CRYBG3: variants seen among roughly 807,000 people sequenced by gnomAD.
CRYBG3 encodes the protein very large A-kinase anchor protein.
CRYBG3 carries 127 observed loss-of-function variants against 244.2 expected under a neutral mutation model. The ratio of observed to expected loss-of-function variants is 0.52; its 90% CI spans 0.45 to 0.60. The LOEUF is 0.60. CRYBG3 is among the 20% of genes least tolerant of loss of function. The probability of loss-of-function intolerance (pLI) is 0.00; values close to 1 mark genes in which losing one functional copy is unlikely to be tolerated. For synonymous variants in CRYBG3, 1,132 were observed against 1,195.8 expected, an observed-to-expected ratio of 0.95 and a Z score of 1.10; for missense variants, 3,325 against 3,442.5, an observed-to-expected ratio of 0.97 and a Z score of 0.85.
intron 1 of CRYBG3, among the ~76,000 whole-genome samples, chr3:97,825,592 T>C (rs2038567445): frequency 6.6e-6 from 1 of 152,238 alleles, no homozygotes; most frequent in African/African-American, 2.4e-5. Context: ...TTCTTTGAAC[T>C]GGACTCTTTT....
intron 2 of CRYBG3, among the ~76,000 whole-genome samples, chr3:97,845,458 A>G (rs188234309): frequency 1.3e-5 from 2 of 152,250 alleles, no homozygotes; most frequent in East Asian, 1.9e-4. Context: ...TAACATTTAC[A>G]TCTATTTTTC....
intron 2 of CRYBG3, 90 bp downstream of exon 2, chr3:97,843,351 TC>T: frequency 1.3e-6 from 1 of 755,234 alleles, no homozygotes. Context: ...ATTTTACATT[TC>T]AAAAAGAACA....
intron 3 of CRYBG3, among the ~76,000 whole-genome samples, chr3:97,869,556 G>T (rs534061743): frequency 1.3e-5 from 2 of 152,168 alleles, no homozygotes; most frequent in East Asian, 1.9e-4. Context: ...AATACATTGG[G>T]CTCTGTCTTC....
intron 2 of CRYBG3, among the ~76,000 whole-genome samples, chr3:97,850,280 A>G (rs2038965683): frequency 6.6e-6 from 1 of 152,080 alleles, no homozygotes; most frequent in Non-Finnish European, 1.5e-5. Context: ...TAGATCAGCA[A>G]TTTCACGCAT....
chr3:97,829,196 T>G (rs2038620992), intron 1 of CRYBG3, among the ~76,000 whole-genome samples: 1 of 152,246 alleles, frequency 6.6e-6, no homozygotes, highest in Non-Finnish European at 1.5e-5. Flanking sequence ...ATGCACTACA[T>G]TAACTTATTC....
intron 2 of CRYBG3, among the ~76,000 whole-genome samples, chr3:97,861,399 G>C (rs534510057): frequency 6.6e-6 from 1 of 152,220 alleles, no homozygotes; most frequent in Non-Finnish European, 1.5e-5. Flanking sequence ...TATGTTCCTA[G>C]CTTGTAAGCT....
chr3:97,915,374 T>A (rs1575962958), intron 16 of CRYBG3, among the ~76,000 whole-genome samples: 1 of 152,146 alleles, frequency 6.6e-6, no homozygotes, highest in Admixed American at 6.6e-5. Context: ...CATAGAATTA[T>A]TAAGGACACC....
chr3:97,848,503 G>A (rs1170110434), intron 2 of CRYBG3, among the ~76,000 whole-genome samples: 4 of 152,054 alleles, frequency 2.6e-5, no homozygotes, highest in South Asian at 2.1e-4. Flanking sequence ...AGGTTTCACC[G>A]TGTTAGCCAG....
intron 17 of CRYBG3, among the ~76,000 whole-genome samples, chr3:97,917,459 C>G (rs576522166): frequency 7.7e-4 from 117 of 152,092 alleles, no homozygotes; most frequent in South Asian, 1.9e-3. Context: ...TCATAATATA[C>G]TGAAAATATT....
In CRYBG3 at chr3:97,888,433, A is replaced by T. The variant is rs753674817; in HGVS notation, c.7382A>T (p.Lys2461Ile). The T allele has an allele frequency of 7.5e-6, 12 of 1,607,246 alleles. No homozygotes were observed. The South Asian group carries it at 1.2e-4, about 16-fold the overall frequency. Residue 2461 changes from lysine to isoleucine, a missense_variant, in exon 9 of 22, where the codon AAA (lysine) becomes ATA (isoleucine). Lys to Ile is a moderately radical substitution (Grantham distance 102). This residue lies in a region of CRYBG3 where 714 missense variants were observed against 803.6 expected (regional missense o/e 0.89). Transcript: ENST00000389622. Reference protein sequence around the residue: ...GLFEISTAEMKSLHPLQMGGL... With the variant: ...GLFEISTAEMISLHPLQMGGL... ...TTTGAGATTTCTACAGCAGAAATGA[A>T]ATCATTACATCCGCTTCAAATGGTA...
chr3:97,830,352 G>C (rs1370825318), intron 1 of CRYBG3, among the ~76,000 whole-genome samples: 1 of 151,718 alleles, frequency 6.6e-6, no homozygotes, highest in Non-Finnish European at 1.5e-5. Flanking sequence ...CTTTCTCTTG[G>C]TCTCTGTGTC....
chr3:97,841,321 CAT>C lies in CRYBG3; in HGVS notation c.150-1865_150-1864del, dbSNP rs370365831. Among the ~76,000 whole-genome samples the C allele has an allele frequency of 1.5e-3, 224 of 149,210 alleles. 1 individual carries two copies. Among genetic ancestry groups the C allele is most frequent in the African/African-American group, 4.2e-3 (172 of 40,580 alleles). On this transcript the variant is annotated intron_variant, in intron 1 of 21. Coordinates refer to ENST00000389622, the MANE Select transcript of CRYBG3 (RefSeq NM_153605.4). Reference sequence around the variant, plus strand: ...ATATGTATATATATGTGTATATACGCATATATATATGTATATATGCATATATA... The same window carrying C: ...ATATGTATATATATGTGTATATACGCATATATATGTATATATGCATATATA...
chr3:97,927,156 A>G (rs2040049479), intron 17 of CRYBG3, among the ~76,000 whole-genome samples: 1 of 152,132 alleles, frequency 6.6e-6, no homozygotes, highest in African/African-American at 2.4e-5. Flanking sequence ...ATGCCACCCG[A>G]TTTCAAACTA....
In CRYBG3 at chr3:97,875,795, T is replaced by C. The variant is rs2039364347; in HGVS notation, c.4601T>C (p.Ile1534Thr). 4.1e-6 allele frequency: 5 copies of C among 1,231,244 alleles called. No individual in the cohort carries two copies. In the South Asian group the frequency reaches 1.6e-4, roughly 41 times the overall value. The allele number at this position is 1,231,244 out of a possible 1,614,324, so 76.3% of individuals were successfully genotyped here. The part of the protein sequence containing the change: ...KVHKKDNEIN[I>T]GKIELIPSML... ...CACAAGAAGGATAATGAAATAAATA[T>C]AGGGAAAATTGAACTTATACCTTCC... Residue 1534 changes from isoleucine to threonine, a missense_variant, in exon 4 of 22, where the codon ATA becomes ACA. This residue lies in a region of CRYBG3 where 635 missense variants were observed against 771.7 expected (regional missense o/e 0.82). Transcript: ENST00000389622.
At chr3:97,882,226 A>G (rs1320990861) in intron 7 of CRYBG3, among the ~76,000 whole-genome samples, 1 of 151,804 alleles carries the variant, frequency 6.6e-6, no homozygotes, top group African/African-American at 2.4e-5. Flanking sequence ...AATAATAATA[A>G]TAATAGCAGC....
At chr3:97,936,676 C>G (rs2040169020) in intron 18 of CRYBG3, 109 bp from the exon 19 acceptor site, 15 of 1,145,132 alleles carry the variant, frequency 1.3e-5, no homozygotes, top group Non-Finnish European at 1.6e-5. Context: ...TTTTAAAAGT[C>G]TGCAAACCTA....
intron 2 of CRYBG3, among the ~76,000 whole-genome samples, chr3:97,859,522 A>T (rs1057154978): frequency 4.6e-5 from 7 of 152,202 alleles, no homozygotes; most frequent in African/African-American, 1.7e-4. Flanking sequence ...ATTGCATCTA[A>T]ATGCCCATAA....
At chr3:97,932,146 G>A (rs2040104914) in intron 17 of CRYBG3, among the ~76,000 whole-genome samples, 1 of 151,926 alleles carries the variant, frequency 6.6e-6, no homozygotes, top group Admixed American at 6.6e-5. Context: ...GGCAGCCATG[G>A]TTACCAGTTT....
chr3:97,865,660 AGC>A (rs1173576031), intron 3 of CRYBG3, among the ~76,000 whole-genome samples: 10 of 152,206 alleles, frequency 6.6e-5, no homozygotes, highest in African/African-American at 2.2e-4. Context: ...ATTTAAATCG[AGC>A]AGAGTAGGCA....
Sources: allele counts gnomAD v4.1 joint callset (sites outside exome capture counted in the v4.1 genomes callset), GRCh38; gene constraint gnomAD v4.1.1; regional missense constraint gnomAD v4.1.1; transcripts MANE v1.5; gene names NCBI Gene and HGNC (gene_info 2026-07-23, HGNC 2026-07-21).